The following RTN4 variants were observed in gnomAD, a reference collection of about 807,000 sequenced individuals.
RTN4 encodes the protein reticulon 4.
RTN4 carries 32 observed loss-of-function variants against 90.4 expected under a neutral mutation model. The observed-to-expected ratio is 0.35, with a 90% CI of 0.27 to 0.48. The LOEUF is 0.48. Ranked by LOEUF, RTN4 falls within the 20% of genes least tolerant of loss-of-function variation. The pLI, the probability that RTN4 is intolerant of heterozygous loss-of-function variation, is 0.99. For synonymous variants in RTN4, 629 were observed against 552.5 expected, an observed-to-expected ratio of 1.14 and a Z score of -1.94; for missense variants, 1,706 against 1,430.2, an observed-to-expected ratio of 1.19 and a Z score of -3.11.
At chr2:55,043,885 C>G (rs556251976) in intron 1 of RTN4, among the ~76,000 whole-genome samples, 3 of 151,400 alleles carry the variant, frequency 2.0e-5, no homozygotes, top group African/African-American at 7.3e-5. Flanking sequence ...GACTCCACCT[C>G]AAAAATAAAA....
In RTN4 at chr2:55,025,949, T is replaced by A; in HGVS notation, c.2150A>T (p.Asp717Val). ...TTCAACTTTTGCCATTTCTGAATAA[T>A]CAGAGAAATCCGGAGCTGGTTCAGC... ...LSAEPAPDFSDYSEMAKVEQP... is the reference protein window; with the variant it reads ...LSAEPAPDFSVYSEMAKVEQP... The change falls in exon 3 of 9, where the codon GAT becomes GTT. Residue 717 changes from aspartate (D) to valine (V), a missense_variant. By Grantham distance (152) the Asp-to-Val change is radical. Coordinates refer to ENST00000337526, the MANE Select transcript of RTN4 (RefSeq NM_020532.5). 1 of 1,613,156 alleles carries A rather than the reference T, an allele frequency of 6.2e-7. No homozygotes were observed. The highest frequency in any genetic ancestry group is 8.5e-7 in the Non-Finnish European group (1 of 1,179,794).
chr2:55,113,838 G>A (rs1216910426), upstream of RTN4, among the ~76,000 whole-genome samples: 3 of 152,130 alleles, frequency 2.0e-5, no homozygotes, highest in African/African-American at 7.2e-5. Context: ...TAATAGTCTG[G>A]TGCCAAACAC....
chr2:55,066,193 T>TTGTGTGTGTGTGTGTGTGTGTGTG (rs57202019), intron 2 of RTN4, among the ~76,000 whole-genome samples: 1 of 110,944 alleles, frequency 9.0e-6, no homozygotes, highest in Non-Finnish European at 2.1e-5. Context: ...GTGTGTGTGT[T>TTGTGTGTGTGTGTGTGTGTGTGTG]TGTGTGTGTG....
intron 3 of RTN4, among the ~76,000 whole-genome samples, 190 bp from the exon 4 acceptor site, chr2:54,987,888 A>G (rs1678695285): frequency 6.6e-6 from 1 of 152,202 alleles, no homozygotes; most frequent in Non-Finnish European, 1.5e-5. Context: ...TATTAGTATA[A>G]CACCTTTATT....
At chr2:55,110,371 T>C (rs1668016888) in intron 1 of RTN4, among the ~76,000 whole-genome samples, 1 of 150,658 alleles carries the variant, frequency 6.6e-6, no homozygotes. Flanking sequence ...AAAGCAGCTG[T>C]AAAAGAAGCA....
intron 3 of RTN4, among the ~76,000 whole-genome samples, chr2:54,988,546 A>C (rs1185800826): frequency 6.6e-6 from 1 of 152,134 alleles, no homozygotes; most frequent in Non-Finnish European, 1.5e-5. Context: ...GCTAGTAATA[A>C]CTCTGCTCTT....
intron 2 of RTN4, among the ~76,000 whole-genome samples, chr2:55,062,594 G>A (rs1339870771): frequency 1.3e-5 from 2 of 152,242 alleles, no homozygotes; most frequent in African/African-American, 4.8e-5. Flanking sequence ...TTTTTGGCAA[G>A]ATTGTGTCGC....
intron 1 of RTN4, among the ~76,000 whole-genome samples, chr2:55,042,925 T>C (rs1395518281): frequency 2.6e-5 from 4 of 152,194 alleles, no homozygotes; most frequent in African/African-American, 9.7e-5. Context: ...TGATATATAC[T>C]ATGAAGAGGT....
chr2:55,020,975 G>A (rs748597244), intron 3 of RTN4, among the ~76,000 whole-genome samples: 1 of 152,020 alleles, frequency 6.6e-6, no homozygotes, highest in African/African-American at 2.4e-5. Flanking sequence ...CAGCCTGGGC[G>A]ACACAGCAAG....
upstream of RTN4, among the ~76,000 whole-genome samples, chr2:55,114,819 T>A (rs1558885844): frequency 6.6e-6 from 1 of 152,144 alleles, no homozygotes; most frequent in Admixed American, 6.5e-5. Flanking sequence ...GTGCAAATGC[T>A]CACGGGTGGC....
Position 55,050,305 on chromosome 2 carries a change from G to A in RTN4, c.-5C>T, listed in dbSNP as rs1173258180. On this transcript the variant is annotated 5_prime_UTR_variant, in exon 1 of 9. Coordinates refer to ENST00000337526, the MANE Select transcript of RTN4 (RefSeq NM_020532.5). The surrounding 1 kb of genome is among the most constrained non-coding windows in gnomAD (Gnocchi z 4.6). ...AGACTGGTCCAGGTCTTCCATGGCTGGAGGGTGGAGATGATGCTGCAGCTG... is the reference window on the plus strand; with the variant it reads ...AGACTGGTCCAGGTCTTCCATGGCTAGAGGGTGGAGATGATGCTGCAGCTG... 6.3e-6 allele frequency: 9 copies of A among 1,419,040 alleles called. No individual in the cohort carries two copies. Among genetic ancestry groups the A allele is most frequent in the Non-Finnish European group, 7.4e-6 (8 of 1,086,236 alleles). The allele number at this position is 1,419,040 out of a possible 1,614,324, so 87.9% of individuals were successfully genotyped here. A position where few individuals can be genotyped will look rare whatever the true frequency, so the allele number is the denominator to read the frequency against.
chr2:55,065,402 T>C (rs1470418065), intron 2 of RTN4, among the ~76,000 whole-genome samples: 1 of 152,172 alleles, frequency 6.6e-6, no homozygotes, highest in Non-Finnish European at 1.5e-5. Context: ...TTAACACATT[T>C]AAACCAAAAT....
intron 1 of RTN4, among the ~76,000 whole-genome samples, chr2:55,033,112 C>T (rs1682443089): frequency 6.7e-6 from 1 of 148,598 alleles, no homozygotes; most frequent in Admixed American, 6.7e-5. Flanking sequence ...TTGAAAATAC[C>T]AACCAACAGA....
intron 3 of RTN4, among the ~76,000 whole-genome samples, chr2:55,013,998 T>C (rs148466641): frequency 4.3e-4 from 65 of 152,304 alleles, no homozygotes; most frequent in Non-Finnish European, 7.6e-4. Flanking sequence ...TAAGAAACAA[T>C]TATAGCTACA....
chr2:54,980,452 T>G (rs746003629), intron 5 of RTN4, among the ~76,000 whole-genome samples: 1 of 152,228 alleles, frequency 6.6e-6, no homozygotes, highest in Non-Finnish European at 1.5e-5. Context: ...CTCAGAAAAC[T>G]AGAGCATAAT....
chr2:54,994,586 T>TA (rs1034890608), intron 3 of RTN4, among the ~76,000 whole-genome samples: 4 of 152,152 alleles, frequency 2.6e-5, no homozygotes, highest in Non-Finnish European at 5.9e-5. Flanking sequence ...ATCAACCTGA[T>TA]AAAGAGCATC....
chr2:55,018,807 A>C (rs2104827252), intron 3 of RTN4, among the ~76,000 whole-genome samples: 1 of 152,250 alleles, frequency 6.6e-6, no homozygotes, highest in South Asian at 2.1e-4. Context: ...TTATCCACTG[A>C]AAGGGTTAAA....
Position 55,099,962 on chromosome 2 carries a change from T to C in RTN4, c.-214+12558A>G, listed in dbSNP as rs147233729. On this transcript the variant is annotated intron_variant, in intron 1 of 3. Coordinates refer to the RTN4 transcript ENST00000427710. ...TGCTTACACTGTGGGTCAACTGATATGCAACATGGACTTACATTTTATTCA... is the reference window on the plus strand; with the variant it reads ...TGCTTACACTGTGGGTCAACTGATACGCAACATGGACTTACATTTTATTCA... Among the ~76,000 whole-genome samples, 584 of 152,262 alleles carry C rather than the reference T, an allele frequency of 3.8e-3. 13 individuals carry two copies. The highest frequency in any genetic ancestry group is 0.014 in the African/African-American group (566 of 41,514).
the RTN4 span, among the ~76,000 whole-genome samples, chr2:55,123,933 C>T: frequency 1.3e-5 from 2 of 152,164 alleles, no homozygotes; most frequent in African/African-American, 4.8e-5. Context: ...AGTCCAGCAT[C>T]TCTCTGTAAG....
Sources: allele counts gnomAD v4.1 joint callset (sites outside exome capture counted in the v4.1 genomes callset), GRCh38; gene constraint gnomAD v4.1.1; non-coding constraint Gnocchi (gnomAD v3.1); transcripts MANE v1.5; gene names NCBI Gene and HGNC (gene_info 2026-07-23, HGNC 2026-07-21).